Variants in OSTF1 observed in about 807,000 individuals in gnomAD.
OSTF1 encodes osteoclast stimulating factor 1.
Under a neutral mutation model 37.2 loss-of-function variants are expected in OSTF1, and 27 were observed. The ratio of observed to expected loss-of-function variants is 0.73; its 90% CI spans 0.54 to 1.00. The LOEUF (loss-of-function observed/expected upper bound fraction) is 1.00. OSTF1 is among the 50% of genes least tolerant of loss of function. OSTF1 has a pLI of 0.00. For synonymous variants in OSTF1, 82 were observed against 89.2 expected (o/e 0.92, Z 0.46); for missense variants, 232 against 253.8 (o/e 0.91, Z 0.58).
At chr9:75,128,413 C>A (rs867193216) in intron 3 of OSTF1, among the ~76,000 whole-genome samples, 6 of 27,372 alleles carry the variant, frequency 2.2e-4, no homozygotes, top group Admixed American at 1.1e-3. Context: ...TATATTTTGT[C>A]CATATATATA....
Position 75,101,803 on chromosome 9 carries a change from T to C in OSTF1, c.34+13077T>C, listed in dbSNP as rs181479338. On this transcript the variant is annotated intron_variant, in intron 1 of 9. Transcript: ENST00000346234. ...CTTAGCTTAAGCTCAGTTCTGTCTC[T>C]AGTGATTCCCATTTTGTCTTCTTAG... 2.6e-5 allele frequency among the ~76,000 whole-genome samples: 4 copies of C among 152,338 alleles called. No individual in the cohort carries two copies. The East Asian group carries it at 7.7e-4, about 29-fold the overall frequency.
At chr9:75,142,743 C>A (rs147780585) in intron 9 of OSTF1, among the ~76,000 whole-genome samples, 58 of 152,220 alleles carry the variant, frequency 3.8e-4, no homozygotes, top group African/African-American at 1.3e-3. Context: ...TAGGGCCTGG[C>A]AGACAGAGCC....
chr9:75,121,601 C>T (rs942620513), intron 2 of OSTF1, among the ~76,000 whole-genome samples: 8 of 152,164 alleles, frequency 5.3e-5, no homozygotes, highest in African/African-American at 1.9e-4. Flanking sequence ...CTCCCACAGA[C>T]CTTCCTGACT....
intron 7 of OSTF1, among the ~76,000 whole-genome samples, chr9:75,135,165 T>TA (rs1825823297): frequency 6.6e-6 from 1 of 152,152 alleles, no homozygotes; most frequent in Non-Finnish European, 1.5e-5. Flanking sequence ...CATCTTCAAG[T>TA]AGATTCCTGA....
chr9:75,108,471 A>G (rs192959696), intron 1 of OSTF1, among the ~76,000 whole-genome samples: 31 of 152,136 alleles, frequency 2.0e-4, no homozygotes, highest in Admixed American at 1.2e-3. Context: ...AGTTGAATGT[A>G]TAAATGATTA....
intron 9 of OSTF1, among the ~76,000 whole-genome samples, chr9:75,141,343 A>AAAAAAAAAAAAAAAAAAAAG (rs1825941530): frequency 6.8e-6 from 1 of 147,918 alleles, no homozygotes; most frequent in Non-Finnish European, 1.5e-5. Context: ...AAAAAAAGAT[A>AAAAAAAAAAAAAAAAAAAAG]AACTCTTCAG....
At chr9:75,140,747 C>T in intron 8 of OSTF1, 87 bp from the exon 9 acceptor site, 2 of 854,792 alleles carry the variant, frequency 2.3e-6, no homozygotes, top group Non-Finnish European at 1.9e-6. Context: ...TTTATTTTGC[C>T]AAAAGTTGTT....
At chr9:75,104,752 T>A (rs913842760) in intron 1 of OSTF1, among the ~76,000 whole-genome samples, 2 of 152,142 alleles carry the variant, frequency 1.3e-5, no homozygotes, top group East Asian at 3.9e-4. Flanking sequence ...GGAACTGCGC[T>A]CAGTATTTCA....
chr9:75,093,076 T>C (rs1189286671), intron 1 of OSTF1, among the ~76,000 whole-genome samples: 1 of 148,274 alleles, frequency 6.7e-6, no homozygotes, highest in East Asian at 1.9e-4. Flanking sequence ...TTTTTTTTTT[T>C]TGGAGATGGG....
intron 3 of OSTF1, among the ~76,000 whole-genome samples, chr9:75,127,991 CTTGT>C (rs1481553267): frequency 6.6e-6 from 1 of 151,298 alleles, no homozygotes; most frequent in Non-Finnish European, 1.5e-5. Flanking sequence ...CATGCAGACA[CTTGT>C]TTTTCTCAAT....
rs376690669 is a variant in OSTF1 at position 75,146,725 on chromosome 9, A to G, written c.629A>G (p.Asp210Gly). ...AGCAATGCCGAGGACTATCTCGATG[A>G]TGAAGACTCAGATTAATTCCTTTCT... is the stretch of plus-strand genomic sequence containing the variant. ...TLSNAEDYLD[D>G]EDSD The change falls in exon 10 of 10, where the codon GAT (aspartate) becomes GGT (glycine). Residue 210 changes from aspartate (D) to glycine (G), a missense_variant. Physicochemically the swap from Asp to Gly is moderately conservative, Grantham distance 94. Transcript: ENST00000346234. 9.3e-6 allele frequency: 15 copies of G among 1,608,826 alleles called. No homozygotes were observed. In the Admixed American group the frequency reaches 1.5e-4, roughly 16 times the overall value.
intron 2 of OSTF1, among the ~76,000 whole-genome samples, chr9:75,122,990 T>G (rs1045656316): frequency 6.6e-6 from 1 of 152,232 alleles, no homozygotes; most frequent in African/African-American, 2.4e-5. Context: ...GGGAATTATA[T>G]GTTACCAAGA....
At chr9:75,089,557 C>G (rs530778054) in intron 1 of OSTF1, among the ~76,000 whole-genome samples, 3 of 152,140 alleles carry the variant, frequency 2.0e-5, no homozygotes, top group African/African-American at 7.2e-5. Context: ...CATACTGTTC[C>G]GCTCATTCAT....
At chr9:75,103,274 C>G (rs963837736) in intron 1 of OSTF1, among the ~76,000 whole-genome samples, 3 of 152,094 alleles carry the variant, frequency 2.0e-5, no homozygotes, top group East Asian at 1.9e-4. Context: ...CAGAGCAAGA[C>G]CCTGTCACAA....
chr9:75,097,367 C>T (rs1017783369), intron 1 of OSTF1, among the ~76,000 whole-genome samples: 6 of 152,154 alleles, frequency 3.9e-5, no homozygotes, highest in East Asian at 1.9e-4. Flanking sequence ...CCTTTGCACT[C>T]TTGAAAACCT....
chr9:75,096,022 G>C (rs546648828), intron 1 of OSTF1, among the ~76,000 whole-genome samples: 50 of 152,230 alleles, frequency 3.3e-4, no homozygotes, highest in Non-Finnish European at 5.6e-4. Flanking sequence ...CTCCTGAGTG[G>C]CTGGGACTGC....
In OSTF1 at chr9:75,098,118, C is replaced by T. The variant is rs567424046; in HGVS notation, c.34+9392C>T. On this transcript the variant is annotated intron_variant, in intron 1 of 9. Transcript: ENST00000346234. ...ATCTGATTTGAAATCTTCATGGCCT[C>T]GTACTGGCCTCTCAAATAATTTCTC... Among the ~76,000 whole-genome samples the T allele has an allele frequency of 9.2e-5, 14 of 152,292 alleles. No individual in the cohort carries two copies. In the South Asian group the frequency reaches 1.0e-3, roughly 11 times the overall value.
chr9:75,091,066 G>A (rs1483649122), intron 1 of OSTF1, among the ~76,000 whole-genome samples: 1 of 148,978 alleles, frequency 6.7e-6, no homozygotes, highest in Non-Finnish European at 1.5e-5. Flanking sequence ...AGGTAGTCTG[G>A]CTTTGAAGTC....
chr9:75,103,975 T>A (rs1272214644), intron 1 of OSTF1, among the ~76,000 whole-genome samples: 1 of 152,126 alleles, frequency 6.6e-6, no homozygotes, highest in Non-Finnish European at 1.5e-5. Flanking sequence ...ATGCCTGTAA[T>A]CCCACACTTT....
Sources: gnomAD v4.1 joint callset for allele counts (sites outside exome capture counted in the v4.1 genomes callset) on GRCh38, gnomAD v4.1.1 for gene constraint, MANE v1.5 for transcripts, NCBI Gene and HGNC (gene_info 2026-07-23, HGNC 2026-07-21) for gene names.